TRAF3IP1: variants seen among roughly 807,000 people sequenced by gnomAD.
The protein encoded by TRAF3IP1 is TRAF3-interacting protein 1.
TRAF3IP1 carries 53 observed loss-of-function variants against 89.9 expected under a neutral mutation model. The ratio of observed to expected loss-of-function variants is 0.59; its 90% CI spans 0.47 to 0.74. The LOEUF is 0.74. TRAF3IP1 is among the 30% of genes least tolerant of loss of function. The pLI, the probability that TRAF3IP1 is intolerant of heterozygous loss-of-function variation, is 0.00. For missense variants in TRAF3IP1, 806 were observed against 866.1 expected, an observed-to-expected ratio of 0.93 and a Z score of 0.87; for synonymous variants, 311 against 322.1, an observed-to-expected ratio of 0.97 and a Z score of 0.37.
Position 238,345,233 on chromosome 2 carries a change from C to G in TRAF3IP1, c.1261+635C>G, listed in dbSNP as rs1022386868. On this transcript the variant is annotated intron_variant, in intron 9 of 16. Coordinates refer to ENST00000373327, the MANE Select transcript of TRAF3IP1 (RefSeq NM_015650.4). This position sits in a 1 kb window ranked among gnomAD's most constrained non-coding sequence, Gnocchi z 4.7. ...CAAACAGAAAATTATCTGTTGAAGG[C>G]CTACTGCATGTCAGCCCTGAGGCTG... Among the ~76,000 whole-genome samples, 1 of 152,188 alleles carries G rather than the reference C, an allele frequency of 6.6e-6. No homozygotes were observed. The highest frequency in any genetic ancestry group is 1.5e-5 in the Non-Finnish European group (1 of 68,038).
chr2:238,384,311 T>A (rs1229839104), intron 15 of TRAF3IP1, among the ~76,000 whole-genome samples: 1 of 152,082 alleles, frequency 6.6e-6, no homozygotes, highest in Admixed American at 6.6e-5. Context: ...TGGTTTCTCC[T>A]TTTCTAATCT....
chr2:238,382,734 T>C (rs1406681710), intron 15 of TRAF3IP1, among the ~76,000 whole-genome samples: 2 of 152,016 alleles, frequency 1.3e-5, no homozygotes, highest in African/African-American at 4.8e-5. Context: ...GTCCCCCAAG[T>C]TGCTCAAGAG....
intron 15 of TRAF3IP1, among the ~76,000 whole-genome samples, chr2:238,394,498 T>C (rs1222226442): frequency 6.6e-6 from 1 of 152,244 alleles, no homozygotes; most frequent in African/African-American, 2.4e-5. Context: ...CCAAGTCCTA[T>C]ACATGTTTTG....
chr2:238,329,502 A>G (rs1244164704), intron 5 of TRAF3IP1, among the ~76,000 whole-genome samples, 160 bp downstream of exon 5: 1 of 152,220 alleles, frequency 6.6e-6, no homozygotes, highest in Non-Finnish European at 1.5e-5. Context: ...ACCCAAAGAG[A>G]TACTTATTTC....
chr2:238,348,343 C>T (rs551541751), intron 10 of TRAF3IP1, among the ~76,000 whole-genome samples: 1 of 152,236 alleles, frequency 6.6e-6, no homozygotes, highest in East Asian at 1.9e-4. Flanking sequence ...GATTGTTTCA[C>T]ACAAAAGGGA....
chr2:238,353,277 C>A, intron 14 of TRAF3IP1, 68 bp downstream of exon 14: 1 of 1,564,558 alleles, frequency 6.4e-7, no homozygotes, highest in Non-Finnish European at 8.8e-7. Flanking sequence ...TCCACGTGGG[C>A]CTGGAAGGAT....
intron 15 of TRAF3IP1, among the ~76,000 whole-genome samples, chr2:238,397,244 G>C (rs1049000902): frequency 6.6e-6 from 1 of 152,188 alleles, no homozygotes; most frequent in Admixed American, 6.5e-5. Context: ...CCCCTCCCTG[G>C]CAGTGCTGTG....
chr2:238,338,004 G>T (rs1052544063), intron 7 of TRAF3IP1, among the ~76,000 whole-genome samples: 1 of 152,142 alleles, frequency 6.6e-6, no homozygotes, highest in East Asian at 1.9e-4. Flanking sequence ...ATTAGTCCAG[G>T]GGCGTGTGTA....
chr2:238,393,486 T>C (rs1701078234), intron 15 of TRAF3IP1, among the ~76,000 whole-genome samples: 1 of 152,210 alleles, frequency 6.6e-6, no homozygotes, highest in Non-Finnish European at 1.5e-5. Flanking sequence ...TGACTTACCT[T>C]TGCGGCTTCT....
chr2:238,345,318 C>T lies in TRAF3IP1; in HGVS notation c.1261+720C>T, dbSNP rs919947556. Among the ~76,000 whole-genome samples the T allele has an allele frequency of 1.7e-4, 26 of 152,312 alleles. No homozygotes were observed. Among genetic ancestry groups the T allele is most frequent in the African/African-American group, 5.5e-4 (23 of 41,572 alleles). On this transcript the variant is annotated intron_variant, in intron 9 of 16. Coordinates refer to ENST00000373327, the MANE Select transcript of TRAF3IP1 (RefSeq NM_015650.4). This position sits in a 1 kb window ranked among gnomAD's most constrained non-coding sequence, Gnocchi z 4.7. The stretch of plus-strand genomic sequence containing the variant: ...CTGCCTTCCTGGTGCAGATGAGGCT[C>T]GAAGATCAACCGAAATCGTTTGATG...
intron 1 of TRAF3IP1, among the ~76,000 whole-genome samples, chr2:238,323,081 A>ATTT (rs35469985): frequency 4.7e-5 from 7 of 147,596 alleles, no homozygotes; most frequent in South Asian, 2.1e-4. Flanking sequence ...ATTGTTCACA[A>ATTT]TTTTTTTTTT....
intron 14 of TRAF3IP1, among the ~76,000 whole-genome samples, chr2:238,353,553 A>G (rs2106328123): frequency 6.6e-6 from 1 of 152,190 alleles, no homozygotes; most frequent in African/African-American, 2.4e-5. Context: ...CTGGAATGTT[A>G]TTGTTGGTTT....
At chr2:238,360,119 A>G (rs1019498996) in intron 15 of TRAF3IP1, among the ~76,000 whole-genome samples, 15 of 152,210 alleles carry the variant, frequency 9.9e-5, no homozygotes, top group Admixed American at 7.2e-4. Context: ...TCCTCAGCAG[A>G]ACTGTGCAAG....
Position 238,379,233 on chromosome 2 carries a change from C to T in TRAF3IP1, c.1690-18226C>T, listed in dbSNP as rs1307145138. ...CATTTAAGTCCCTGCCCACGAGTCT[C>T]CTCTTCAGAGAGGCCTTTCCTGTCC... On this transcript the variant is annotated intron_variant, in intron 15 of 16. Transcript: ENST00000373327. The surrounding 1 kb of genome is among the most constrained non-coding windows in gnomAD (Gnocchi z 4.0). Among the ~76,000 whole-genome samples, 1 of 152,210 alleles carries T rather than the reference C, an allele frequency of 6.6e-6. No homozygotes were observed. Among genetic ancestry groups the T allele is most frequent in the Non-Finnish European group, 1.5e-5 (1 of 68,040 alleles).
Position 238,348,807 on chromosome 2 carries a change from A to G in TRAF3IP1, c.1326A>G (p.Pro442=), listed in dbSNP as rs768803209. Residue 442 remains proline (P), a synonymous_variant, in exon 11 of 17, where the codon CCA becomes CCG. Transcript: ENST00000373327. ...GPAGQDKSEV[P]ETPEIPNELS... is the part of the protein sequence containing the mutation. ...CTGGCCAAGATAAGTCTGAGGTGCC[A>G]GAGACTCCAGAAATTCCTAATGAGC... 1.2e-6 allele frequency: 2 copies of G among 1,614,182 alleles called. No individual in the cohort carries two copies. The highest frequency in any genetic ancestry group is 1.3e-5 in the African/African-American group (1 of 75,062).
At chr2:238,361,119 T>C (rs1699639356) in intron 15 of TRAF3IP1, among the ~76,000 whole-genome samples, 1 of 151,072 alleles carries the variant, frequency 6.6e-6, no homozygotes, top group Admixed American at 6.6e-5. Flanking sequence ...GAATCTCGGC[T>C]CACTGCAACC....
At chr2:238,386,910 C>T (rs1700797458) in intron 15 of TRAF3IP1, among the ~76,000 whole-genome samples, 1 of 152,194 alleles carries the variant, frequency 6.6e-6, no homozygotes, top group African/African-American at 2.4e-5. Flanking sequence ...AAGTAGCTAA[C>T]ATTTAATGAT....
rs749867416 is a variant in TRAF3IP1 at position 238,352,864 on chromosome 2, G to A, written c.1489G>A (p.Glu497Lys). 2.8e-5 allele frequency: 45 copies of A among 1,613,364 alleles called. No homozygotes were observed. Among genetic ancestry groups the A allele is most frequent in the Non-Finnish European group, 3.5e-5 (41 of 1,179,636 alleles). Residue 497 changes from glutamate to lysine, a missense_variant, in exon 13 of 17, where the codon GAG becomes AAG. Transcript: ENST00000373327. ...SGKTVSNVIT[E>K]SHNSDNEEDD... ...TAAAACCGTTTCAAATGTGATTACAGAGTCACACAATTCTGACAATGAAGA... is the reference window on the plus strand; with the variant it reads ...TAAAACCGTTTCAAATGTGATTACAAAGTCACACAATTCTGACAATGAAGA...
chr2:238,394,016 T>C (rs1181849282), intron 15 of TRAF3IP1, among the ~76,000 whole-genome samples: 1 of 152,090 alleles, frequency 6.6e-6, no homozygotes, highest in Non-Finnish European at 1.5e-5. Context: ...CTGGCCAACA[T>C]GGTGAAATCC....
Sources: allele counts gnomAD v4.1 joint callset (sites outside exome capture counted in the v4.1 genomes callset), GRCh38; gene constraint gnomAD v4.1.1; non-coding constraint Gnocchi (gnomAD v3.1); transcripts MANE v1.5; gene names NCBI Gene and HGNC (gene_info 2026-07-23, HGNC 2026-07-21).